Variants in FBXO25 observed in about 807,000 individuals in gnomAD.
The protein encoded by FBXO25 is F-box protein 25.
Under a neutral mutation model 51.9 loss-of-function variants are expected in FBXO25, and 45 were observed. The ratio of observed to expected loss-of-function variants is 0.87; its 90% CI spans 0.68 to 1.11. The LOEUF is 1.11. Among genes scored for constraint, FBXO25 ranks in the 50% most tolerant of loss-of-function variants. The pLI is 0.00. For missense variants in FBXO25, 507 were observed against 428.5 expected, an observed-to-expected ratio of 1.18 and a Z score of -1.62; for synonymous variants, 199 against 151.0, an observed-to-expected ratio of 1.32 and a Z score of -2.33.
At position 474,338 on chromosome 8, in the gene FBXO25, CT is replaced by C; in HGVS notation, c.*5535del. On this transcript the variant is annotated 3_prime_UTR_variant, in exon 10 of 10. Coordinates refer to ENST00000350302, the MANE Select transcript of FBXO25 (RefSeq NM_183420.2). ...GACCACATTTTGTTTGTGTACTCAT[CT>C]GTTGAGGACACTTGAGTTGCTTCCA... is the stretch of plus-strand genomic sequence containing the variant. The C allele has an allele frequency of 4.4e-6, 1 of 225,202 alleles. No individual in the cohort carries two copies. Among genetic ancestry groups the C allele is most frequent in the South Asian group, 6.7e-5 (1 of 14,822 alleles). The allele number at this position is 225,202 out of a possible 1,614,324, so 14.0% of individuals were successfully genotyped here. A position where few individuals can be genotyped will look rare whatever the true frequency, so the allele number is the denominator to read the frequency against.
intron 6 of FBXO25, 151 bp downstream of exon 6, chr8:450,234 T>G (rs1027164145): frequency 7.7e-6 from 4 of 517,352 alleles, no homozygotes; most frequent in Non-Finnish European, 1.3e-5. Flanking sequence ...CAGGTCATCC[T>G]TCCAGTTCCC....
chr8:439,214 A>C (rs1264709124), intron 5 of FBXO25, among the ~76,000 whole-genome samples: 3 of 152,132 alleles, frequency 2.0e-5, no homozygotes, highest in African/African-American at 7.2e-5. Context: ...GGGCTTGCTT[A>C]TAGCACTGAG....
At chr8:444,556 T>A (rs1206984565) in intron 5 of FBXO25, among the ~76,000 whole-genome samples, 7 of 152,184 alleles carry the variant, frequency 4.6e-5, no homozygotes, top group Admixed American at 4.6e-4. Flanking sequence ...TCTATTGATG[T>A]GTGAAAAAAA....
At chr8:459,996 G>A (rs1313174395) in intron 8 of FBXO25, among the ~76,000 whole-genome samples, 7 of 152,184 alleles carry the variant, frequency 4.6e-5, no homozygotes, top group African/African-American at 1.7e-4. Context: ...TTGAGTAGGA[G>A]AACAGTAGAT....
chr8:446,974 G>A (rs1301561192), intron 5 of FBXO25, among the ~76,000 whole-genome samples: 1 of 152,178 alleles, frequency 6.6e-6, no homozygotes, highest in African/African-American at 2.4e-5. Context: ...GCAATTCACA[G>A]ACTCTAAAAT....
chr8:408,429 G>C (rs1037691965), intron 1 of FBXO25, among the ~76,000 whole-genome samples: 5 of 152,292 alleles, frequency 3.3e-5, no homozygotes, highest in African/African-American at 1.2e-4. Flanking sequence ...ATGGATCCTG[G>C]AGTGAGACTC....
At chr8:434,541 G>A (rs577876964) in intron 4 of FBXO25, among the ~76,000 whole-genome samples, 7 of 152,156 alleles carry the variant, frequency 4.6e-5, no homozygotes, top group Non-Finnish European at 8.8e-5. Flanking sequence ...TGGGGTTGGC[G>A]CACAGAAGCA....
chr8:449,228 A>C (rs528742086), intron 5 of FBXO25, among the ~76,000 whole-genome samples: 69 of 152,384 alleles, frequency 4.5e-4, no homozygotes, highest in Middle Eastern at 3.4e-3. Flanking sequence ...AAAGTGGGAC[A>C]AAAAGCATTA....
At chr8:431,909 C>T (rs1008461364) in intron 3 of FBXO25, among the ~76,000 whole-genome samples, 2 of 152,188 alleles carry the variant, frequency 1.3e-5, no homozygotes, top group Admixed American at 6.5e-5. Context: ...TACCAAGACA[C>T]ATGTTAATGT....
intron 1 of FBXO25, among the ~76,000 whole-genome samples, chr8:410,429 ATT>A (rs202181356): frequency 4.7e-5 from 7 of 148,238 alleles, no homozygotes; most frequent in African/African-American, 1.5e-4. Flanking sequence ...TATCCACTTG[ATT>A]TTTTTTTTTA....
In FBXO25 at chr8:475,614, C is replaced by T. The variant is rs974622580; in HGVS notation, c.*6810C>T. 1 of 152,146 alleles carries T rather than the reference C, an allele frequency of 6.6e-6. No individual in the cohort carries two copies. The highest frequency in any genetic ancestry group is 6.5e-5 in the Admixed American group (1 of 15,276). 9.4% of individuals were successfully genotyped at this position (152,146 alleles called of 1,614,324 possible). ...TCTTTAAGCAGTGTTTTATGGTTTT[C>T]AAGTACAAGTCTTTTGCTTCCTTAA... On this transcript the variant is annotated 3_prime_UTR_variant, in exon 10 of 10. Coordinates refer to ENST00000350302, the MANE Select transcript of FBXO25 (RefSeq NM_183420.2).
Position 477,761 on chromosome 8 carries a change from A to G in FBXO25, c.*8957A>G, listed in dbSNP as rs1359451170. 6.6e-6 allele frequency: 1 copy of G among 152,294 alleles called. No individual in the cohort carries two copies. The highest frequency in any genetic ancestry group is 1.5e-5 in the Non-Finnish European group (1 of 68,050). 9.4% of individuals were successfully genotyped at this position (152,294 alleles called of 1,614,324 possible). Reference sequence around the variant, plus strand: ...CTGTGTTCCAAACTTTTTGGACAATAAAATCTGAATTTCACATACTTTTCT... The same window carrying G: ...CTGTGTTCCAAACTTTTTGGACAATGAAATCTGAATTTCACATACTTTTCT... On this transcript the variant is annotated 3_prime_UTR_variant, in exon 10 of 10. Coordinates refer to ENST00000350302, the MANE Select transcript of FBXO25 (RefSeq NM_183420.2).
intron 2 of FBXO25, among the ~76,000 whole-genome samples, chr8:425,298 G>A (rs1053498562): frequency 6.6e-6 from 1 of 151,268 alleles, no homozygotes; most frequent in Admixed American, 6.6e-5. Context: ...AATTTGATAT[G>A]TTTTTAAAGT....
chr8:435,552 G>A, intron 4 of FBXO25, 63 bp from the exon 5 acceptor site: 1 of 1,565,012 alleles, frequency 6.4e-7, no homozygotes, highest in Non-Finnish European at 8.6e-7. Flanking sequence ...ACAATTAATT[G>A]ACATTAACTG....
chr8:465,401 A>G (rs10503146), intron 9 of FBXO25, among the ~76,000 whole-genome samples: 17,217 of 152,256 alleles, frequency 0.11, 1,047 homozygotes, highest in South Asian at 0.18. Context: ...ATTACAAGCA[A>G]TGATACTTTT....
intron 5 of FBXO25, among the ~76,000 whole-genome samples, chr8:442,963 T>C (rs1435745959): frequency 6.6e-6 from 1 of 152,190 alleles, no homozygotes; most frequent in Non-Finnish European, 1.5e-5. Flanking sequence ...CGGATTAAAG[T>C]GTATTAGCAA....
intron 1 of FBXO25, among the ~76,000 whole-genome samples, chr8:409,787 C>T (rs924358410): frequency 2.6e-5 from 4 of 151,948 alleles, no homozygotes; most frequent in Non-Finnish European, 5.9e-5. Flanking sequence ...TCCTACAAGC[C>T]CTAGAAAATT....
intron 2 of FBXO25, 22 bp downstream of exon 2, chr8:413,235 C>G: frequency 6.5e-7 from 1 of 1,548,270 alleles, no homozygotes; most frequent in Admixed American, 2.0e-5. Context: ...CTGAGCAGAA[C>G]CATGCCATTT....
intron 9 of FBXO25, among the ~76,000 whole-genome samples, chr8:464,679 A>T (rs1315034186): frequency 6.6e-6 from 1 of 152,248 alleles, no homozygotes; most frequent in African/African-American, 2.4e-5. Context: ...AATTACATTT[A>T]TTCTAAGTGT....
Sources: allele counts gnomAD v4.1 joint callset (sites outside exome capture counted in the v4.1 genomes callset), GRCh38; gene constraint gnomAD v4.1.1; transcripts MANE v1.5; gene names NCBI Gene and HGNC (gene_info 2026-07-23, HGNC 2026-07-21).